Variants in PLCL1 observed in about 807,000 individuals in gnomAD.
PLCL1 encodes inactive phospholipase C-like protein 1.
A neutral mutation model predicts 84.4 loss-of-function variants in PLCL1; 41 were observed. The observed-to-expected ratio is 0.49, with a 90% CI of 0.38 to 0.63. The LOEUF is 0.63. PLCL1 is among the 30% of genes least tolerant of loss of function. The pLI, the probability that PLCL1 is intolerant of heterozygous loss-of-function variation, is 0.00. For synonymous variants in PLCL1, 490 were observed against 488.3 expected, an observed-to-expected ratio of 1.00 and a Z score of -0.05; for missense variants, 1,206 against 1,367.8, an observed-to-expected ratio of 0.88 and a Z score of 1.87.
chr2:197,931,653 C>T (rs960036840), intron 1 of PLCL1, among the ~76,000 whole-genome samples: 1 of 101,416 alleles, frequency 9.9e-6, no homozygotes, highest in Non-Finnish European at 2.1e-5. Flanking sequence ...ACCATCCAAC[C>T]AACCAACCAA....
intron 1 of PLCL1, among the ~76,000 whole-genome samples, chr2:197,886,545 G>A (rs1301374291): frequency 6.6e-6 from 1 of 150,774 alleles, no homozygotes; most frequent in Non-Finnish European, 1.5e-5. Flanking sequence ...TTTATTTGAA[G>A]GTTTGTGGAA....
intron 1 of PLCL1, among the ~76,000 whole-genome samples, chr2:197,975,655 A>T (rs1689966206): frequency 6.6e-6 from 1 of 152,028 alleles, no homozygotes; most frequent in African/African-American, 2.4e-5. Context: ...AATACTTAAA[A>T]ATTAGCTGGA....
intron 1 of PLCL1, among the ~76,000 whole-genome samples, chr2:197,830,323 A>G (rs955315572): frequency 2.0e-5 from 3 of 152,032 alleles, no homozygotes; most frequent in African/African-American, 7.2e-5. Context: ...AGAGAAGAAC[A>G]TAAATGAACT....
chr2:197,999,265 A>G (rs559930743), intron 1 of PLCL1, among the ~76,000 whole-genome samples: 10 of 152,210 alleles, frequency 6.6e-5, no homozygotes. Context: ...TTCTGCATGT[A>G]TAAAATGAAG....
rs756768933 is a variant in PLCL1 at position 197,980,902 on chromosome 2, T to C, written c.241-102856T>C. On this transcript the variant is annotated intron_variant, in intron 1 of 5. Coordinates refer to ENST00000428675, the MANE Select transcript of PLCL1 (RefSeq NM_006226.4). ...CAGAGAAGGCTGTTTGCAGTTATAATGGAGCTGAATTGTGAAGGAGCCAGC... is the reference window on the plus strand; with the variant it reads ...CAGAGAAGGCTGTTTGCAGTTATAACGGAGCTGAATTGTGAAGGAGCCAGC... 1.4e-3 allele frequency among the ~76,000 whole-genome samples: 209 copies of C among 152,282 alleles called. 1 individual carries two copies. Among genetic ancestry groups the C allele is most frequent in the Non-Finnish European group, 1.8e-4 (12 of 68,018 alleles).
At chr2:197,887,157 T>A (rs1468746528) in intron 1 of PLCL1, among the ~76,000 whole-genome samples, 1 of 152,202 alleles carries the variant, frequency 6.6e-6, no homozygotes, top group East Asian at 1.9e-4. Flanking sequence ...CCATCTCAGA[T>A]CTTTGGGTGT....
chr2:198,125,036 T>C (rs1170244626), intron 5 of PLCL1, among the ~76,000 whole-genome samples: 1 of 152,148 alleles, frequency 6.6e-6, no homozygotes, highest in African/African-American at 2.4e-5. Flanking sequence ...ACAACAGAGA[T>C]ACAGAATGTT....
intron 1 of PLCL1, among the ~76,000 whole-genome samples, chr2:197,865,758 A>G (rs1462407208): frequency 6.6e-6 from 1 of 151,916 alleles, no homozygotes; most frequent in East Asian, 1.9e-4. Context: ...CACACCTGTA[A>G]TCCCAGCACT....
chr2:197,946,646 C>G (rs1347520984), intron 1 of PLCL1, among the ~76,000 whole-genome samples: 2 of 152,074 alleles, frequency 1.3e-5, no homozygotes, highest in African/African-American at 4.8e-5. Context: ...TGACCTTTGC[C>G]CTGAGTACCT....
chr2:197,957,100 T>A (rs552747030), intron 1 of PLCL1, among the ~76,000 whole-genome samples: 1 of 152,210 alleles, frequency 6.6e-6, no homozygotes, highest in East Asian at 1.9e-4. Flanking sequence ...TATAATCAAG[T>A]CAAGCCCAAC....
At chr2:198,095,241 C>A (rs1263256806) in intron 3 of PLCL1, among the ~76,000 whole-genome samples, 2 of 152,060 alleles carry the variant, frequency 1.3e-5, no homozygotes, top group Non-Finnish European at 2.9e-5. Context: ...TTTTTTGGCT[C>A]AGGTCTCTGA....
chr2:198,068,071 T>C (rs1335348941), intron 1 of PLCL1, among the ~76,000 whole-genome samples: 2 of 152,228 alleles, frequency 1.3e-5, no homozygotes, highest in East Asian at 3.8e-4. Flanking sequence ...GCAAAGCTAA[T>C]AAAGTATAAA....
intron 1 of PLCL1, among the ~76,000 whole-genome samples, chr2:197,842,559 A>G (rs1440310708): frequency 6.6e-5 from 10 of 152,094 alleles, no homozygotes; most frequent in Admixed American, 6.6e-4. Flanking sequence ...AGAACTTTGA[A>G]TCTCTCTTAT....
At chr2:198,068,489 A>T (rs571773762) in intron 1 of PLCL1, among the ~76,000 whole-genome samples, 3 of 152,320 alleles carry the variant, frequency 2.0e-5, no homozygotes, top group Admixed American at 6.5e-5. Context: ...GAAATATCTT[A>T]TTCTTTTCAG....
intron 1 of PLCL1, among the ~76,000 whole-genome samples, chr2:197,950,808 G>C (rs1421175523): frequency 6.6e-6 from 1 of 152,098 alleles, no homozygotes; most frequent in Non-Finnish European, 1.5e-5. Context: ...TTAACCTTTT[G>C]ACTTCACTAG....
At chr2:198,127,836 G>A (rs974698348) in intron 5 of PLCL1, among the ~76,000 whole-genome samples, 3 of 152,106 alleles carry the variant, frequency 2.0e-5, no homozygotes, top group African/African-American at 4.8e-5. Flanking sequence ...CCAAAGCAGG[G>A]GAGCCACCTG....
At chr2:198,002,719 AG>A (rs950584436) in intron 1 of PLCL1, among the ~76,000 whole-genome samples, 5 of 152,218 alleles carry the variant, frequency 3.3e-5, no homozygotes, top group African/African-American at 1.2e-4. Flanking sequence ...TACAGGTGCC[AG>A]GCTGTGGGAT....
At chr2:198,059,087 C>T (rs1332470467) in intron 1 of PLCL1, among the ~76,000 whole-genome samples, 1 of 152,130 alleles carries the variant, frequency 6.6e-6, no homozygotes, top group African/African-American at 2.4e-5. Context: ...ACTTAGCAGT[C>T]CTGCCATTTG....
At chr2:197,897,173 T>TCTC (rs1559038589) in intron 1 of PLCL1, among the ~76,000 whole-genome samples, 2,597 of 51,744 alleles carry the variant, frequency 0.05, 231 homozygotes, top group South Asian at 0.085. Flanking sequence ...TTCTTCTTCT[T>TCTC]CTTCTTCTTC....
Sources: gnomAD v4.1 joint callset for allele counts (sites outside exome capture counted in the v4.1 genomes callset) on GRCh38, gnomAD v4.1.1 for gene constraint, MANE v1.5 for transcripts, NCBI Gene and HGNC (gene_info 2026-07-23, HGNC 2026-07-21) for gene names.